Variants in ZBTB20 observed in about 807,000 individuals in gnomAD.
ZBTB20 encodes the protein zinc finger and BTB domain containing 20, also known as zinc finger and BTB domain-containing protein 20.
ZBTB20 carries 9 observed loss-of-function variants against 56.9 expected under a neutral mutation model. The ratio of observed to expected loss-of-function variants is 0.16; its 90% confidence interval spans 0.10 to 0.28. ZBTB20 has a LOEUF of 0.28. Ranked by LOEUF, ZBTB20 falls within the 10% of genes least tolerant of loss-of-function variation. The probability of loss-of-function intolerance (pLI) is 1.00; values close to 1 mark genes in which losing one functional copy is unlikely to be tolerated. For missense variants in ZBTB20, 655 were observed against 1,003.0 expected, an observed-to-expected ratio of 0.65 and a Z score of 4.69; for synonymous variants, 417 against 420.7, an observed-to-expected ratio of 0.99 and a Z score of 0.11.
At chr3:114,685,350 G>C (rs1263328924) in intron 6 of ZBTB20, among the ~76,000 whole-genome samples, 2 of 152,120 alleles carry the variant, frequency 1.3e-5, no homozygotes, top group Non-Finnish European at 2.9e-5. Flanking sequence ...TGATTTCAAA[G>C]CTTTCATGAG....
chr3:114,494,819 T>C (rs1007753731), intron 7 of ZBTB20, among the ~76,000 whole-genome samples: 1 of 152,212 alleles, frequency 6.6e-6, no homozygotes, highest in Non-Finnish European at 1.5e-5. Flanking sequence ...TATAAAAATT[T>C]TGGTTCCCTA....
chr3:114,416,344 CAACT>C (rs1215579073), intron 7 of ZBTB20, among the ~76,000 whole-genome samples: 1 of 133,004 alleles, frequency 7.5e-6, no homozygotes, highest in African/African-American at 2.9e-5. Flanking sequence ...AAAAAAAAAA[CAACT>C]AACTAAATAG....
At chr3:114,754,545 T>TA (rs1252747821) in intron 5 of ZBTB20, among the ~76,000 whole-genome samples, 1 of 152,178 alleles carries the variant, frequency 6.6e-6, no homozygotes, top group East Asian at 1.9e-4. Flanking sequence ...GAGTTTTACT[T>TA]AAAGAGTAGA....
intron 6 of ZBTB20, among the ~76,000 whole-genome samples, chr3:114,555,712 T>G (rs2051130949): frequency 1.3e-5 from 2 of 152,128 alleles, no homozygotes; most frequent in Admixed American, 1.3e-4. Context: ...ATAGAGGCCT[T>G]ATGAATGCCA....
At position 114,604,576 on chromosome 3, in the gene ZBTB20, A is replaced by C. The variant is rs536607710; in HGVS notation, c.-295+88952T>G. ...TGAAAGATAATCTCATATTAAAGTA[A>C]AAATGAGAACAGCATAGCAATGATA... On this transcript the variant is annotated intron_variant, in intron 6 of 11. Coordinates refer to ENST00000675478, the MANE Select transcript of ZBTB20 (RefSeq NM_001348800.3). Among the ~76,000 whole-genome samples, 17 of 152,204 alleles carry C rather than the reference A, an allele frequency of 1.1e-4. No homozygotes were observed. In the East Asian group the frequency reaches 1.9e-3, roughly 17 times the overall value.
At chr3:114,732,132 A>G (rs1368974072) in intron 5 of ZBTB20, among the ~76,000 whole-genome samples, 2 of 152,156 alleles carry the variant, frequency 1.3e-5, no homozygotes, top group East Asian at 3.9e-4. Context: ...ACTGTTGCTC[A>G]GGACTAACAG....
chr3:114,649,721 C>T (rs1560084332), intron 6 of ZBTB20, among the ~76,000 whole-genome samples: 1 of 151,932 alleles, frequency 6.6e-6, no homozygotes, highest in East Asian at 1.9e-4. Context: ...TGGTTTGCCT[C>T]TAGAATGTCT....
intron 4 of ZBTB20, among the ~76,000 whole-genome samples, chr3:114,831,637 T>C (rs906739531): frequency 9.9e-5 from 15 of 152,096 alleles, no homozygotes; most frequent in African/African-American, 3.6e-4. Flanking sequence ...ATTGATGGTA[T>C]AGGAGTGAAT....
intron 5 of ZBTB20, among the ~76,000 whole-genome samples, chr3:114,786,687 C>T (rs1314626973): frequency 1.3e-5 from 2 of 151,488 alleles, no homozygotes. Flanking sequence ...ACATTATCTT[C>T]TACAGTTTGA....
intron 1 of ZBTB20, among the ~76,000 whole-genome samples, chr3:115,088,076 T>C (rs1330459018): frequency 6.6e-6 from 1 of 151,898 alleles, no homozygotes; most frequent in East Asian, 1.9e-4. Context: ...TAAGCTGGTC[T>C]CAAATCAAAA....
At chr3:114,492,542 C>G (rs1178103567) in intron 7 of ZBTB20, among the ~76,000 whole-genome samples, 1 of 152,152 alleles carries the variant, frequency 6.6e-6, no homozygotes, top group African/African-American at 2.4e-5. Context: ...AATTATCTCT[C>G]AGTTCCATCA....
chr3:114,336,951 G>T lies in ZBTB20; in HGVS notation c.*2054C>A, dbSNP rs1484069732. ...GTTTAAGAATTCCTATATTTGAGCT[G>T]GAATCCCTTCAGGACACTGTCTATA... On this transcript the variant is annotated 3_prime_UTR_variant, in exon 12 of 12. Coordinates refer to ENST00000675478, the MANE Select transcript of ZBTB20 (RefSeq NM_001348800.3). The T allele has an allele frequency of 6.6e-6, 1 of 152,130 alleles. No individual in the cohort carries two copies. The highest frequency in any genetic ancestry group is 1.5e-5 in the Non-Finnish European group (1 of 68,020). 9.4% of individuals were successfully genotyped at this position (152,130 alleles called of 1,614,324 possible). A position where few individuals can be genotyped will look rare whatever the true frequency, so the allele number is the denominator to read the frequency against.
chr3:114,534,982 G>A (rs186881614), intron 6 of ZBTB20, among the ~76,000 whole-genome samples: 1 of 152,102 alleles, frequency 6.6e-6, no homozygotes, highest in Non-Finnish European at 1.5e-5. Flanking sequence ...CTGGGACACA[G>A]CTAAACTAAT....
intron 6 of ZBTB20, among the ~76,000 whole-genome samples, chr3:114,600,962 T>G (rs78279344): frequency 6.8e-6 from 1 of 147,772 alleles, no homozygotes; most frequent in East Asian, 1.9e-4. Context: ...ATGCCTTAGT[T>G]TTTTTTTTTT....
At chr3:114,793,509 TC>T (rs1314525549) in intron 5 of ZBTB20, among the ~76,000 whole-genome samples, 1 of 152,038 alleles carries the variant, frequency 6.6e-6, no homozygotes, top group Non-Finnish European at 1.5e-5. Flanking sequence ...TCTTCCCAGA[TC>T]CCCATTTTTC....
At chr3:114,944,220 A>G (rs1032878021) in intron 3 of ZBTB20, among the ~76,000 whole-genome samples, 1 of 145,882 alleles carries the variant, frequency 6.9e-6, no homozygotes, top group Non-Finnish European at 1.5e-5. Flanking sequence ...GTCAACAGAT[A>G]TATGAAAAAA....
chr3:114,526,594 C>T (rs1311401590), intron 6 of ZBTB20, among the ~76,000 whole-genome samples: 1 of 152,078 alleles, frequency 6.6e-6, no homozygotes, highest in East Asian at 1.9e-4. Flanking sequence ...AAACTAACAA[C>T]CAGGGATTAT....
intron 4 of ZBTB20, among the ~76,000 whole-genome samples, chr3:114,877,436 C>T (rs906935826): frequency 2.6e-5 from 4 of 152,162 alleles, no homozygotes; most frequent in Non-Finnish European, 4.4e-5. Flanking sequence ...GCCACTAAGC[C>T]TCTATCAACC....
At chr3:114,816,051 A>G (rs2072892800) in intron 4 of ZBTB20, among the ~76,000 whole-genome samples, 1 of 152,154 alleles carries the variant, frequency 6.6e-6, no homozygotes, top group Admixed American at 6.5e-5. Flanking sequence ...CTATCTGAGG[A>G]GCTATCCTCT....
Sources: gnomAD v4.1 joint callset for allele counts (sites outside exome capture counted in the v4.1 genomes callset) on GRCh38, gnomAD v4.1.1 for gene constraint, MANE v1.5 for transcripts, NCBI Gene and HGNC (gene_info 2026-07-23, HGNC 2026-07-21) for gene names.